AK5: variants seen among roughly 807,000 people sequenced by gnomAD.
The protein encoded by AK5 is adenylate kinase isoenzyme 5.
A neutral mutation model predicts 69.5 loss-of-function variants in AK5; 27 were observed. The observed-to-expected ratio is 0.39, with a 90% CI of 0.29 to 0.54. The LOEUF is 0.54. Among genes scored for constraint, AK5 ranks in the 20% least tolerant of loss-of-function variants. The pLI, the probability that AK5 is intolerant of heterozygous loss-of-function variation, is 0.71. For missense variants in AK5, 531 were observed against 700.4 expected, an observed-to-expected ratio of 0.76 and a Z score of 2.73; for synonymous variants, 260 against 244.4, an observed-to-expected ratio of 1.06 and a Z score of -0.60.
chr1:77,454,221 C>G (rs1653335640), intron 8 of AK5, among the ~76,000 whole-genome samples: 1 of 152,168 alleles, frequency 6.6e-6, no homozygotes, highest in Non-Finnish European at 1.5e-5. Flanking sequence ...CAGGTCTTCT[C>G]CATTTATAAA....
chr1:77,408,906 C>G (rs1191632457), intron 6 of AK5, among the ~76,000 whole-genome samples: 1 of 152,104 alleles, frequency 6.6e-6, no homozygotes, highest in Non-Finnish European at 1.5e-5. Flanking sequence ...GCTTCTCTGC[C>G]TCCTCCTACT....
At position 77,559,124 on chromosome 1, in the gene AK5, G is replaced by GCAT. The variant is rs112287024; in HGVS notation, c.*456_*458dup. On this transcript the variant is annotated 3_prime_UTR_variant, in exon 14 of 14. Coordinates refer to ENST00000354567, the MANE Select transcript of AK5 (RefSeq NM_174858.3). ...CCCCTGGCATAGGGGACAGCCCTGG[G>GCAT]CATCTTCCTTTGGTGTCTGGCTGTT... 3,323 of 153,098 alleles carry GCAT rather than the reference G, an allele frequency of 0.022. 86 individuals carry two copies. Among genetic ancestry groups the GCAT allele is most frequent in the South Asian group, 0.1 (507 of 4,840 alleles). The allele number at this position is 153,098 out of a possible 1,614,324, so 9.5% of individuals were successfully genotyped here.
At chr1:77,555,329 G>A (rs887156810) in intron 13 of AK5, among the ~76,000 whole-genome samples, 10 of 152,074 alleles carry the variant, frequency 6.6e-5, no homozygotes, top group South Asian at 2.1e-4. Context: ...CCTCATTATC[G>A]TCATGCAATA....
chr1:77,506,002 A>G (rs1431450698), intron 10 of AK5, among the ~76,000 whole-genome samples: 1 of 152,226 alleles, frequency 6.6e-6, no homozygotes, highest in East Asian at 1.9e-4. Flanking sequence ...TAGGCTACAA[A>G]GTAGGAAAAA....
intron 10 of AK5, among the ~76,000 whole-genome samples, chr1:77,516,520 A>G (rs919256944): frequency 2.0e-5 from 3 of 152,178 alleles, no homozygotes; most frequent in African/African-American, 7.2e-5. Flanking sequence ...CACATTGTAC[A>G]TCTTAAATTT....
chr1:77,500,998 C>T (rs145479238), intron 10 of AK5, among the ~76,000 whole-genome samples: 27 of 152,220 alleles, frequency 1.8e-4, no homozygotes, highest in Admixed American at 2.6e-4. Flanking sequence ...AAGAACCATT[C>T]GGTGAAGGTT....
chr1:77,303,429 A>G (rs1659453568), intron 5 of AK5, among the ~76,000 whole-genome samples: 1 of 152,284 alleles, frequency 6.6e-6, no homozygotes, highest in African/African-American at 2.4e-5. Context: ...ACATATTTTT[A>G]GAAAAGTAAT....
At chr1:77,286,641 G>T (rs1264499917) in intron 1 of AK5, among the ~76,000 whole-genome samples, 1 of 152,034 alleles carries the variant, frequency 6.6e-6, no homozygotes, top group Non-Finnish European at 1.5e-5. Flanking sequence ...GAGTTAAGGA[G>T]TTCGAAACCA....
rs761163766 is a variant in AK5, at chr1:77,340,468, C to T, written c.791C>T (p.Pro264Leu). The change falls in exon 6 of 14, where the codon CCA becomes CTA. Residue 264 changes from proline (P) to leucine (L), a missense_variant. By Grantham distance (98) the Pro-to-Leu change is moderately conservative. Transcript: ENST00000354567. ...LLKRAEQQGR[P>L]DDNVKATQRR... ...AAGCGTGCAGAACAGCAGGGCCGAC[C>T]AGACGACAATGTAAAAGCTACCCAA... The T allele has an allele frequency of 6.2e-7, 1 of 1,614,122 alleles. No individual in the cohort carries two copies. Among genetic ancestry groups the T allele is most frequent in the Non-Finnish European group, 8.5e-7 (1 of 1,179,986 alleles).
intron 6 of AK5, among the ~76,000 whole-genome samples, chr1:77,383,334 T>C (rs905511188): frequency 2.0e-5 from 3 of 152,136 alleles, no homozygotes; most frequent in Admixed American, 6.5e-5. Context: ...CCTGCCACTG[T>C]GAGAAGTCAT....
At chr1:77,442,811 A>G (rs948070464) in intron 8 of AK5, among the ~76,000 whole-genome samples, 2 of 152,224 alleles carry the variant, frequency 1.3e-5, no homozygotes, top group Non-Finnish European at 2.9e-5. Context: ...GATCAATAAC[A>G]AGGATGGTGT....
chr1:77,330,907 A>G (rs1433381148), intron 5 of AK5, among the ~76,000 whole-genome samples: 1 of 152,156 alleles, frequency 6.6e-6, no homozygotes, highest in Non-Finnish European at 1.5e-5. Flanking sequence ...GTGTTTTTGT[A>G]CCATCCTTCA....
At chr1:77,312,341 A>G (rs934011923) in intron 5 of AK5, among the ~76,000 whole-genome samples, 1 of 152,042 alleles carries the variant, frequency 6.6e-6, no homozygotes, top group African/African-American at 2.4e-5. Context: ...AAGGCTGGAC[A>G]TGGTGGCTCA....
chr1:77,387,920 G>T (rs921931030), intron 6 of AK5, among the ~76,000 whole-genome samples: 3 of 151,854 alleles, frequency 2.0e-5, no homozygotes, highest in Non-Finnish European at 2.9e-5. Flanking sequence ...GTAAAGGTTT[G>T]CTCAGAGCAA....
chr1:77,466,430 G>A (rs1253369720), intron 8 of AK5, among the ~76,000 whole-genome samples: 1 of 152,126 alleles, frequency 6.6e-6, no homozygotes, highest in Non-Finnish European at 1.5e-5. Context: ...TGAGGAGAGG[G>A]ACCATGTTTG....
At chr1:77,294,638 A>G (rs899426923) in intron 3 of AK5, among the ~76,000 whole-genome samples, 1 of 152,188 alleles carries the variant, frequency 6.6e-6, no homozygotes, top group African/African-American at 2.4e-5. Flanking sequence ...AGCACATAAC[A>G]TCTGAGTATT....
At chr1:77,374,056 CTG>C (rs1315115751) in intron 6 of AK5, among the ~76,000 whole-genome samples, 1 of 152,162 alleles carries the variant, frequency 6.6e-6, no homozygotes, top group Non-Finnish European at 1.5e-5. Flanking sequence ...ATTTAGAACA[CTG>C]TCATTTCCCA....
chr1:77,365,003 C>A (rs1280490102), intron 6 of AK5, among the ~76,000 whole-genome samples: 1 of 152,114 alleles, frequency 6.6e-6, no homozygotes, highest in African/African-American at 2.4e-5. Context: ...GTATGGCCTA[C>A]CCCTGTTTTT....
chr1:77,496,517 G>A (rs796608507), intron 10 of AK5, among the ~76,000 whole-genome samples: 3 of 152,266 alleles, frequency 2.0e-5, no homozygotes, highest in African/African-American at 7.2e-5. Flanking sequence ...TAAGGAAAAA[G>A]GAGACAGTTG....
Sources: gnomAD v4.1 joint callset for allele counts (sites outside exome capture counted in the v4.1 genomes callset) on GRCh38, gnomAD v4.1.1 for gene constraint, MANE v1.5 for transcripts, NCBI Gene and HGNC (gene_info 2026-07-23, HGNC 2026-07-21) for gene names.